Variants in PPP3R1 observed in about 807,000 individuals in gnomAD.
PPP3R1 encodes the protein calcineurin subunit B type 1.
In PPP3R1, 5 loss-of-function variants were observed where a neutral mutation model predicts 22.6. The observed-to-expected ratio is 0.22, with a 90% confidence interval of 0.12 to 0.46. The LOEUF is 0.46. Ranked by LOEUF, PPP3R1 falls within the 20% of genes least tolerant of loss-of-function variation. PPP3R1 has a pLI of 0.99. For missense variants in PPP3R1, 61 were observed against 203.2 expected (o/e 0.30, Z 4.25); for synonymous variants, 56 against 65.2 (o/e 0.86, Z 0.68).
At chr2:68,198,177 GTA>G (rs535489271) in intron 2 of PPP3R1, among the ~76,000 whole-genome samples, 172 of 135,976 alleles carry the variant, frequency 1.3e-3, no homozygotes, top group South Asian at 0.012. Context: ...ATACATACAT[GTA>G]TATATAATAT....
At chr2:68,203,691 C>T (rs919709709) in intron 2 of PPP3R1, among the ~76,000 whole-genome samples, 1 of 151,838 alleles carries the variant, frequency 6.6e-6, no homozygotes, top group African/African-American at 2.4e-5. Flanking sequence ...AAACAGCAAA[C>T]CTCCCTGAGA....
Position 68,252,153 on chromosome 2 carries a change from T to C in PPP3R1, c.-26A>G. The stretch of plus-strand genomic sequence containing the variant: ...TTTGCTCGGCGGGTCGGCGGCTCGC[T>C]GGCTCGCTGGCTCGGAGAAGTGTTG... On this transcript the variant is annotated 5_prime_UTR_variant, in exon 1 of 6. Coordinates refer to ENST00000234310, the MANE Select transcript of PPP3R1 (RefSeq NM_000945.4). The C allele has an allele frequency of 1.4e-6, 2 of 1,379,354 alleles. No homozygotes were observed. Among genetic ancestry groups the C allele is most frequent in the South Asian group, 1.4e-5 (1 of 71,246 alleles). 85.4% of individuals were successfully genotyped at this position (1,379,354 alleles called of 1,614,324 possible).
chr2:68,233,078 GTCTC>G (rs1430094444), intron 1 of PPP3R1, among the ~76,000 whole-genome samples: 8 of 152,114 alleles, frequency 5.3e-5, no homozygotes, highest in Non-Finnish European at 1.2e-4. Flanking sequence ...ATTATTCTGA[GTCTC>G]TCTCTTGTAG....
chr2:68,185,578 C>G lies in PPP3R1; in HGVS notation c.465+890G>C, dbSNP rs185830834. On this transcript the variant is annotated intron_variant, in intron 5 of 5. Transcript: ENST00000234310. Reference sequence around the variant, plus strand: ...CAAGAATTTTCCATTTATTTTATTCCCCTAAGGCTTAGAATTTCTCCTTTC... The same window carrying G: ...CAAGAATTTTCCATTTATTTTATTCGCCTAAGGCTTAGAATTTCTCCTTTC... 7.3e-3 allele frequency among the ~76,000 whole-genome samples: 1,099 copies of G among 150,934 alleles called. 10 individuals are homozygous for G. The highest frequency in any genetic ancestry group is 8.8e-3 in the Non-Finnish European group (597 of 67,862).
At chr2:68,232,109 A>AAC in intron 1 of PPP3R1, among the ~76,000 whole-genome samples, 1 of 91,278 alleles carries the variant, frequency 1.1e-5, no homozygotes, top group South Asian at 3.0e-4. Context: ...AAAAAAAAAA[A>AAC]TATATATATA....
intron 5 of PPP3R1, among the ~76,000 whole-genome samples, chr2:68,181,408 A>T (rs914949278): frequency 1.3e-5 from 2 of 151,826 alleles, no homozygotes; most frequent in African/African-American, 4.8e-5. Flanking sequence ...AAAAAAAAAA[A>T]AATTACTTTA....
At chr2:68,227,800 C>A (rs1669816011) in intron 1 of PPP3R1, among the ~76,000 whole-genome samples, 1 of 151,958 alleles carries the variant, frequency 6.6e-6, no homozygotes, top group Non-Finnish European at 1.5e-5. Flanking sequence ...ATGTTAACAA[C>A]AATTTTTGTG....
chr2:68,182,050 C>A (rs1331446249), intron 5 of PPP3R1, among the ~76,000 whole-genome samples: 1 of 147,380 alleles, frequency 6.8e-6, no homozygotes, highest in African/African-American at 2.6e-5. Context: ...CTTCCAGTCA[C>A]CAGACATCTC....
intron 2 of PPP3R1, among the ~76,000 whole-genome samples, chr2:68,195,945 A>G (rs1206399161): frequency 4.7e-5 from 7 of 150,274 alleles, no homozygotes; most frequent in Non-Finnish European, 1.0e-4. Context: ...TTCAAGGCTT[A>G]TCCCAACTAT....
intron 2 of PPP3R1, among the ~76,000 whole-genome samples, chr2:68,206,378 G>C (rs1261289794): frequency 6.6e-6 from 1 of 152,220 alleles, no homozygotes; most frequent in East Asian, 1.9e-4. Context: ...TGTGAGATCA[G>C]ACAAGTTTCT....
chr2:68,232,095 CTA>C (rs1669914059), intron 1 of PPP3R1, among the ~76,000 whole-genome samples: 4 of 73,964 alleles, frequency 5.4e-5, no homozygotes, highest in Non-Finnish European at 7.3e-5. Context: ...CCCGTATCTA[CTA>C]AAAAAAAAAA....
intron 2 of PPP3R1, among the ~76,000 whole-genome samples, chr2:68,205,094 A>G (rs1675086821): frequency 1.3e-5 from 2 of 152,192 alleles, no homozygotes; most frequent in South Asian, 2.1e-4. Context: ...AAACACACAC[A>G]AAGTTTGAAA....
chr2:68,202,807 T>C (rs1572959316), intron 2 of PPP3R1, among the ~76,000 whole-genome samples: 1 of 130,092 alleles, frequency 7.7e-6, no homozygotes, highest in Non-Finnish European at 1.6e-5. Context: ...TTTTTTTTTT[T>C]TTTTTTTTTT....
rs570519830 is a variant in PPP3R1 at position 68,249,437 on chromosome 2, A to C, written c.3+2688T>G. Among the ~76,000 whole-genome samples the C allele has an allele frequency of 1.2e-4, 19 of 152,342 alleles. No homozygotes were observed. In the South Asian group the frequency reaches 3.9e-3, roughly 32 times the overall value. On this transcript the variant is annotated intron_variant, in intron 1 of 5. Coordinates refer to ENST00000234310, the MANE Select transcript of PPP3R1 (RefSeq NM_000945.4). ...AGATCATGGAGATAAAAAAAAATTT[A>C]AAAGTTTAAAAGCACAAAGACATGA...
intron 1 of PPP3R1, among the ~76,000 whole-genome samples, chr2:68,226,665 G>A (rs905057742): frequency 6.6e-6 from 1 of 151,990 alleles, no homozygotes; most frequent in African/African-American, 2.4e-5. Context: ...ACTCCATGAA[G>A]GCACCAACTG....
chr2:68,223,360 C>T (rs1204080091), intron 1 of PPP3R1, among the ~76,000 whole-genome samples: 1 of 152,208 alleles, frequency 6.6e-6, no homozygotes, highest in Non-Finnish European at 1.5e-5. Flanking sequence ...CACGCCACTA[C>T]ACTCTAGCCT....
intron 1 of PPP3R1, among the ~76,000 whole-genome samples, chr2:68,221,196 T>C (rs1455636316): frequency 1.3e-5 from 2 of 152,172 alleles, no homozygotes; most frequent in African/African-American, 4.8e-5. Flanking sequence ...CTGGGCATGG[T>C]GGCGGGTGCC....
rs1196231833 is a variant in PPP3R1 at position 68,180,936 on chromosome 2, G to C, written c.*27C>G. On this transcript the variant is annotated 3_prime_UTR_variant, in exon 6 of 6. Transcript: ENST00000234310. ...TTCAGAGATGGAGAAGAAAGCAAAA[G>C]TGTTGGGTGGTACTCTCTGATAAGA... is the stretch of plus-strand genomic sequence containing the variant. 2.5e-6 allele frequency: 4 copies of C among 1,601,612 alleles called. No individual in the cohort carries two copies. Among genetic ancestry groups the C allele is most frequent in the Non-Finnish European group, 3.4e-6 (4 of 1,169,038 alleles).
intron 1 of PPP3R1, among the ~76,000 whole-genome samples, chr2:68,244,546 A>AT (rs939967402): frequency 2.0e-5 from 3 of 151,912 alleles, no homozygotes; most frequent in Non-Finnish European, 4.4e-5. Context: ...CTTCACTCTG[A>AT]TTTTTTCTCT....
Sources: allele counts gnomAD v4.1 joint callset (sites outside exome capture counted in the v4.1 genomes callset), GRCh38; gene constraint gnomAD v4.1.1; transcripts MANE v1.5; gene names NCBI Gene and HGNC (gene_info 2026-07-23, HGNC 2026-07-21).